PRRG1: variants seen among roughly 807,000 people sequenced by gnomAD.
PRRG1 encodes transmembrane gamma-carboxyglutamic acid protein 1.
Under a neutral mutation model 11.8 loss-of-function variants are expected in PRRG1, and 5 were observed. The observed-to-expected ratio is 0.42, with a 90% confidence interval of 0.22 to 0.89. PRRG1 has a LOEUF of 0.89. Ranked by LOEUF, PRRG1 falls within the 40% of genes least tolerant of loss-of-function variation. The pLI is 0.28. For synonymous variants in PRRG1, 66 were observed against 60.4 expected (o/e 1.09, Z -0.43); for missense variants, 155 against 166.1 (o/e 0.93, Z 0.37).
chrX:37,350,748 C>T (rs1467669463), intron 1 of PRRG1, among the ~76,000 whole-genome samples: 2 of 111,322 alleles, frequency 1.8e-5, no homozygotes, highest in Non-Finnish European at 3.8e-5. Flanking sequence ...TTGTAAATCC[C>T]GTTTTATAAA....
intron 1 of PRRG1, among the ~76,000 whole-genome samples, chrX:37,387,549 G>A (rs1931366957): frequency 9.0e-6 from 1 of 111,302 alleles, no homozygotes; most frequent in South Asian, 3.9e-4. Context: ...AAGAGAGAGA[G>A]GGGGGAGGTG....
intron 2 of PRRG1, among the ~76,000 whole-genome samples, chrX:37,421,661 G>C (rs994840042): frequency 1.8e-5 from 2 of 111,658 alleles, no homozygotes; most frequent in Non-Finnish European, 3.8e-5. Context: ...TTTTGTTTTC[G>C]CATTTTAAAA....
intron 1 of PRRG1, among the ~76,000 whole-genome samples, chrX:37,361,320 C>T (rs782591787): frequency 6.7e-5 from 7 of 104,723 alleles, no homozygotes; most frequent in Admixed American, 6.2e-4. Context: ...CCAGCCTGGG[C>T]GACAGAGCGA....
chrX:37,371,130 A>G (rs1930748016), intron 1 of PRRG1, among the ~76,000 whole-genome samples: 1 of 111,434 alleles, frequency 9.0e-6, no homozygotes, highest in Non-Finnish European at 1.9e-5. Context: ...ACCCATAGCC[A>G]CTCATGGACT....
chrX:37,395,499 C>T (rs782210408), intron 1 of PRRG1, among the ~76,000 whole-genome samples: 1 of 109,072 alleles, frequency 9.2e-6, no homozygotes, highest in Admixed American at 9.8e-5. Flanking sequence ...CACATAATCC[C>T]AGCTACTCGG....
intron 1 of PRRG1, among the ~76,000 whole-genome samples, chrX:37,385,209 T>A (rs192928931): frequency 2.3e-4 from 26 of 112,025 alleles, no homozygotes; most frequent in African/African-American, 7.5e-4. Context: ...AAACATGATG[T>A]TGAGCAAAAG....
chrX:37,389,991 A>G (rs544251997), intron 1 of PRRG1, among the ~76,000 whole-genome samples: 6 of 112,202 alleles, frequency 5.3e-5, no homozygotes, highest in African/African-American at 1.9e-4. Context: ...TCAGGCTGCT[A>G]TAACAAAATA....
rs782799749 is a variant in PRRG1, at chrX:37,395,744, G to T, written c.-41-10465G>T. On this transcript the variant is annotated intron_variant, in intron 1 of 3. Coordinates refer to ENST00000378628, the MANE Select transcript of PRRG1 (RefSeq NM_001142395.2). ...CAAACCTGATATGGTTCTCAGAAAA[G>T]ATATACTTTCCAAAAGGTAGATAAA... 1.6e-3 allele frequency among the ~76,000 whole-genome samples: 178 copies of T among 111,125 alleles called. 1 individual carries two copies. The highest frequency in any genetic ancestry group is 5.6e-3 in the African/African-American group (172 of 30,578).
At position 37,437,248 on chromosome X, in the gene PRRG1, T is replaced by C. The variant is rs782071986; in HGVS notation, c.171+11248T>C. On this transcript the variant is annotated intron_variant, in intron 3 of 3. Transcript: ENST00000378628. ...ATGTCAGGTTATGGTAGTAACTGAA[T>C]TAGGAGAGTTTCAGCCTGTATGATA... Among the ~76,000 whole-genome samples, 5 of 111,574 alleles carry C rather than the reference T, an allele frequency of 4.5e-5. No homozygotes were observed. The Admixed American group carries it at 4.8e-4, about 11-fold the overall frequency.
At chrX:37,430,325 CAT>C (rs1188302456) in intron 3 of PRRG1, among the ~76,000 whole-genome samples, 6 of 111,615 alleles carry the variant, frequency 5.4e-5, no homozygotes, top group Admixed American at 9.4e-5. Flanking sequence ...GAAATGTAAA[CAT>C]ATAAACATAT....
chrX:37,400,996 C>T (rs1161673982), intron 1 of PRRG1, among the ~76,000 whole-genome samples: 3 of 110,711 alleles, frequency 2.7e-5, no homozygotes, highest in Non-Finnish European at 3.8e-5. Context: ...TAATCAATAG[C>T]TTACCAACGA....
chrX:37,369,987 G>A (rs1556370388), intron 1 of PRRG1, among the ~76,000 whole-genome samples: 2 of 110,528 alleles, frequency 1.8e-5, no homozygotes, highest in African/African-American at 6.6e-5. Flanking sequence ...CCAGTCTCAG[G>A]TATGTTTTTA....
intron 2 of PRRG1, among the ~76,000 whole-genome samples, chrX:37,423,214 ATTTTTAACAAAAATTAACTT>A (rs1346682562): frequency 5.0e-4 from 55 of 111,009 alleles, no homozygotes; most frequent in East Asian, 5.6e-4. Flanking sequence ...ATTAATTTTA[ATTTTTAACAAAAATTAACTT>A]TTTTTAACAA....
intron 3 of PRRG1, among the ~76,000 whole-genome samples, chrX:37,444,562 G>A (rs1933039485): frequency 9.0e-6 from 1 of 111,661 alleles, no homozygotes; most frequent in African/African-American, 3.3e-5. Context: ...GCAGTGCCTG[G>A]CATGGTGTAA....
Position 37,454,843 on chromosome X carries a change from G to A in PRRG1, c.*1222G>A, listed in dbSNP as rs1457378542. The A allele has an allele frequency of 8.9e-6, 1 of 111,777 alleles. No individual in the cohort carries two copies. The highest frequency in any genetic ancestry group is 3.3e-5 in the African/African-American group (1 of 30,661). The allele number at this position is 111,777 out of a possible 1,213,427, so 9.2% of individuals were successfully genotyped here. On this transcript the variant is annotated 3_prime_UTR_variant, in exon 4 of 4. Transcript: ENST00000378628. ...GTAGGGTTTTTACTTTTTTCTTGGA[G>A]CAGAGAGAACAGGCTGTAAATGGGT...
chrX:37,364,928 G>A (rs1185806190), intron 1 of PRRG1, among the ~76,000 whole-genome samples: 3 of 112,048 alleles, frequency 2.7e-5, no homozygotes, highest in African/African-American at 6.5e-5. Context: ...TCTGTAAAAC[G>A]TTGGCAAAGA....
At chrX:37,368,374 C>T (rs1184789970) in intron 1 of PRRG1, among the ~76,000 whole-genome samples, 1 of 111,756 alleles carries the variant, frequency 8.9e-6, no homozygotes, top group African/African-American at 3.2e-5. Context: ...GATCCGTATG[C>T]ATTTGGTATG....
intron 2 of PRRG1, among the ~76,000 whole-genome samples, chrX:37,423,727 G>A (rs1408598251): frequency 9.1e-6 from 1 of 109,919 alleles, no homozygotes; most frequent in African/African-American, 3.3e-5. Flanking sequence ...AGTCGACAGT[G>A]TTGATAAAGT....
rs144904776 is a variant in PRRG1, at chrX:37,392,959, A to G, written c.-41-13250A>G. Among the ~76,000 whole-genome samples, 916 of 111,872 alleles carry G rather than the reference A, an allele frequency of 8.2e-3. 24 individuals carry two copies. Among genetic ancestry groups the G allele is most frequent in the Admixed American group, 0.055 (580 of 10,496 alleles). ...TGGATTCTCTAGCACCTAAGCATGT[A>G]GTAGACACACAATGTATATTTTATT... On this transcript the variant is annotated intron_variant, in intron 1 of 3. Transcript: ENST00000378628.
Sources: gnomAD v4.1 joint callset for allele counts (sites outside exome capture counted in the v4.1 genomes callset) on GRCh38, gnomAD v4.1.1 for gene constraint, MANE v1.5 for transcripts, NCBI Gene and HGNC (gene_info 2026-07-23, HGNC 2026-07-21) for gene names.